Variants in CDH4 observed in about 807,000 individuals in gnomAD.
CDH4 encodes the protein cadherin-4.
A neutral mutation model predicts 86.0 loss-of-function variants in CDH4; 33 were observed. The observed-to-expected ratio is 0.38, with a 90% CI of 0.29 to 0.51. The LOEUF is 0.51. Among genes scored for constraint, CDH4 ranks in the 20% least tolerant of loss-of-function variants. CDH4 has a pLI of 0.86. For missense variants in CDH4, 1,114 were observed against 1,307.4 expected, an observed-to-expected ratio of 0.85 and a Z score of 2.28; for synonymous variants, 555 against 549.4, an observed-to-expected ratio of 1.01 and a Z score of -0.14.
chr20:61,627,413 G>T (rs2086838952), intron 2 of CDH4, among the ~76,000 whole-genome samples: 2 of 152,182 alleles, frequency 1.3e-5, no homozygotes, highest in East Asian at 1.9e-4. Context: ...ATTGGCTGGG[G>T]TGGGGACCTC....
chr20:61,584,857 G>A (rs924750293), intron 2 of CDH4, among the ~76,000 whole-genome samples: 3 of 29,282 alleles, frequency 1.0e-4, no homozygotes, highest in Admixed American at 8.9e-4. Context: ...CAGCTCTCCC[G>A]CACTGCACAC....
At chr20:61,521,849 G>A (rs544173048) in intron 2 of CDH4, among the ~76,000 whole-genome samples, 9 of 152,276 alleles carry the variant, frequency 5.9e-5, no homozygotes, top group South Asian at 4.1e-4. Context: ...GCAGTGCAAC[G>A]GCCGGCCTGT....
At chr20:61,320,725 C>T (rs2084503366) in intron 2 of CDH4, among the ~76,000 whole-genome samples, 1 of 151,842 alleles carries the variant, frequency 6.6e-6, no homozygotes, top group African/African-American at 2.4e-5. Context: ...GGAAGCCTGG[C>T]TTTAGTGAGA....
chr20:61,538,595 C>T (rs1371555347), intron 2 of CDH4, among the ~76,000 whole-genome samples: 2 of 152,172 alleles, frequency 1.3e-5, no homozygotes, highest in East Asian at 1.9e-4. Flanking sequence ...GCAGTGAGGA[C>T]TCCTTCCCAG....
chr20:61,443,698 G>A (rs946792942), intron 2 of CDH4, among the ~76,000 whole-genome samples: 21 of 152,170 alleles, frequency 1.4e-4, no homozygotes, highest in Non-Finnish European at 2.5e-4. Context: ...GAGCGCATCC[G>A]AAGGCTGCGA....
At chr20:61,580,691 G>A (rs1160260090) in intron 2 of CDH4, among the ~76,000 whole-genome samples, 3 of 152,148 alleles carry the variant, frequency 2.0e-5, no homozygotes, top group East Asian at 1.9e-4. Context: ...GCAGGGATCC[G>A]TGTTATGGAA....
chr20:61,557,210 G>A (rs959952446), intron 2 of CDH4, among the ~76,000 whole-genome samples: 13 of 152,166 alleles, frequency 8.5e-5, no homozygotes, highest in African/African-American at 2.4e-4. Flanking sequence ...CAAGGAGTAC[G>A]TATTTTAGGC....
At chr20:61,849,028 G>T (rs746915734) in intron 5 of CDH4, among the ~76,000 whole-genome samples, 1 of 152,180 alleles carries the variant, frequency 6.6e-6, no homozygotes, top group African/African-American at 2.4e-5. Flanking sequence ...TGAGCCCTGA[G>T]ATCTGGCTGG....
chr20:61,414,982 C>G (rs1351139056), intron 2 of CDH4, among the ~76,000 whole-genome samples: 1 of 152,224 alleles, frequency 6.6e-6, no homozygotes, highest in South Asian at 2.1e-4. Flanking sequence ...TCCTGCATCC[C>G]TCACGGTGAC....
rs1175431124 is a variant in CDH4 at position 61,810,601 on chromosome 20, C to T, written c.577-34067C>T. Reference sequence around the variant, plus strand: ...CCGCCTCACCCTGCCTCCTGCCTCCCGCCCTGCTCCCATCCACCACTACCA... The same window carrying T: ...CCGCCTCACCCTGCCTCCTGCCTCCTGCCCTGCTCCCATCCACCACTACCA... On this transcript the variant is annotated intron_variant, in intron 4 of 15. Transcript: ENST00000614565. The surrounding 1 kb of genome is among the most constrained non-coding windows in gnomAD (Gnocchi z 4.3). 2.6e-5 allele frequency among the ~76,000 whole-genome samples: 4 copies of T among 152,200 alleles called. No homozygotes were observed. The highest frequency in any genetic ancestry group is 5.9e-5 in the Non-Finnish European group (4 of 68,018).
intron 2 of CDH4, among the ~76,000 whole-genome samples, chr20:61,649,185 A>G (rs568478002): frequency 2.0e-5 from 3 of 151,942 alleles, no homozygotes; most frequent in East Asian, 3.9e-4. Context: ...TCCCCCTTCT[A>G]TGGCTGCCAG....
At chr20:61,407,048 G>A (rs544367452) in intron 2 of CDH4, among the ~76,000 whole-genome samples, 67 of 151,020 alleles carry the variant, frequency 4.4e-4, no homozygotes, top group Admixed American at 2.2e-3. Context: ...TGCTCTGCCC[G>A]GACCACCATC....
chr20:61,920,100 G>GGTATCGTGA (rs1568887768), intron 9 of CDH4, among the ~76,000 whole-genome samples: 1 of 107,332 alleles, frequency 9.3e-6, no homozygotes. Flanking sequence ...GTGGAAGCAT[G>GGTATCGTGA]TTGTGATTGG....
chr20:61,661,439 G>C (rs1364461059), intron 2 of CDH4, among the ~76,000 whole-genome samples: 1 of 148,744 alleles, frequency 6.7e-6, no homozygotes, highest in Non-Finnish European at 1.5e-5. Context: ...GGTGCTCTCA[G>C]ATAGCCCTTT....
At chr20:61,343,327 C>T (rs1432340773) in intron 2 of CDH4, among the ~76,000 whole-genome samples, 1 of 152,140 alleles carries the variant, frequency 6.6e-6, no homozygotes, top group East Asian at 1.9e-4. Context: ...GTTAGCAGTC[C>T]TTGCCAAAAA....
chr20:61,348,349 C>G (rs1350381397), intron 2 of CDH4, among the ~76,000 whole-genome samples: 1 of 152,160 alleles, frequency 6.6e-6, no homozygotes, highest in African/African-American at 2.4e-5. Context: ...ACGGGAAAGA[C>G]CCACCCCCAT....
At chr20:61,644,372 C>T (rs1344923393) in intron 2 of CDH4, among the ~76,000 whole-genome samples, 2 of 152,232 alleles carry the variant, frequency 1.3e-5, no homozygotes, top group Non-Finnish European at 1.5e-5. Flanking sequence ...CAGAGCCCTT[C>T]GAGGACGGGG....
Position 61,811,995 on chromosome 20 carries a change from G to A in CDH4, c.577-32673G>A, listed in dbSNP as rs573355302. On this transcript the variant is annotated intron_variant, in intron 4 of 15. Transcript: ENST00000614565. The surrounding 1 kb of genome is among the most constrained non-coding windows in gnomAD (Gnocchi z 4.4). The stretch of plus-strand genomic sequence containing the variant: ...CCGCCTGCTGTCCTTCAGACTCCCC[G>A]CCTGGGCTTGGGTTTGAGGCCCTGT... 8.0e-4 allele frequency among the ~76,000 whole-genome samples: 122 copies of A among 152,122 alleles called. No homozygotes were observed. Among genetic ancestry groups the A allele is most frequent in the Non-Finnish European group, 1.3e-3 (87 of 67,986 alleles).
intron 9 of CDH4, among the ~76,000 whole-genome samples, chr20:61,923,140 A>G (rs912382484): frequency 1.3e-5 from 2 of 152,210 alleles, no homozygotes; most frequent in African/African-American, 4.8e-5. Context: ...GGCCAGGAAG[A>G]GGGGCCGCCC....
Sources: allele counts gnomAD v4.1 joint callset (sites outside exome capture counted in the v4.1 genomes callset), GRCh38; gene constraint gnomAD v4.1.1; non-coding constraint Gnocchi (gnomAD v3.1); transcripts MANE v1.5; gene names NCBI Gene and HGNC (gene_info 2026-07-23, HGNC 2026-07-21).